The following PDE2A variants were observed in gnomAD, a reference collection of about 807,000 sequenced individuals.
PDE2A encodes the protein phosphodiesterase 2A, also known as cGMP-dependent 3',5'-cyclic phosphodiesterase.
A neutral mutation model predicts 133.6 loss-of-function variants in PDE2A; 53 were observed. The ratio of observed to expected loss-of-function variants is 0.40; its 90% CI spans 0.32 to 0.50. PDE2A has a LOEUF of 0.50. PDE2A is among the 20% of genes least tolerant of loss of function. The probability of loss-of-function intolerance (pLI) is 0.73; values close to 1 mark genes in which losing one functional copy is unlikely to be tolerated. For missense variants in PDE2A, 796 were observed against 1,232.4 expected, an observed-to-expected ratio of 0.65 and a Z score of 5.30; for synonymous variants, 491 against 490.2, an observed-to-expected ratio of 1.00 and a Z score of -0.02.
intron 2 of PDE2A, among the ~76,000 whole-genome samples, chr11:72,619,471 G>T (rs1298374932): frequency 6.6e-6 from 1 of 152,196 alleles, no homozygotes; most frequent in East Asian, 1.9e-4. Flanking sequence ...ATGTAGGTCT[G>T]TGTCTCTGTA....
At chr11:72,669,009 C>T in intron 1 of PDE2A, 1 of 992,678 alleles carries the variant, frequency 1.0e-6, no homozygotes, top group Non-Finnish European at 1.2e-6. Flanking sequence ...CAGTAGCTAA[C>T]CTTTGTGAGC....
rs551569693 is a variant in PDE2A at position 72,636,954 on chromosome 11, G to A, written c.144+5300C>T. Among the ~76,000 whole-genome samples the A allele has an allele frequency of 3.7e-4, 56 of 152,286 alleles. No individual in the cohort carries two copies. The East Asian group carries it at 5.0e-3, about 14-fold the overall frequency. On this transcript the variant is annotated intron_variant, in intron 2 of 30. Coordinates refer to ENST00000334456, the MANE Select transcript of PDE2A (RefSeq NM_002599.5). ...TACAAGTCCTGCACCATCTGGCTGG[G>A]CCAGCTTTACCAGTCCCCATCCCCC...
At chr11:72,631,846 C>T (rs567619572) in intron 2 of PDE2A, among the ~76,000 whole-genome samples, 2 of 152,350 alleles carry the variant, frequency 1.3e-5, no homozygotes, top group African/African-American at 4.8e-5. Context: ...AGGGGCACTG[C>T]CCAGGGCCTG....
intron 2 of PDE2A, among the ~76,000 whole-genome samples, chr11:72,613,180 C>T (rs1857295979): frequency 6.6e-6 from 1 of 152,148 alleles, no homozygotes; most frequent in East Asian, 1.9e-4. Context: ...CACCCCACTG[C>T]CTGGCACTGG....
chr11:72,599,298 C>T lies in PDE2A; in HGVS notation c.324-1679G>A, dbSNP rs181107000. 1.4e-3 allele frequency among the ~76,000 whole-genome samples: 212 copies of T among 152,180 alleles called. 1 individual carries two copies. The highest frequency in any genetic ancestry group is 5.0e-3 in the African/African-American group (206 of 41,498). ...CCTCTGTGCTCACGGCCTCATGACTCTCCAGCCCTCACTCATGAGCTCCAG... is the reference window on the plus strand; with the variant it reads ...CCTCTGTGCTCACGGCCTCATGACTTTCCAGCCCTCACTCATGAGCTCCAG... On this transcript the variant is annotated intron_variant, in intron 4 of 30. Coordinates refer to ENST00000334456, the MANE Select transcript of PDE2A (RefSeq NM_002599.5).
In PDE2A at chr11:72,578,499, C is replaced by A; in HGVS notation, c.2485G>T (p.Glu829Ter). The part of the protein sequence containing the change: ...TRKIAELIYK[E>*]FFSQGDLEKA... ...ACCAGGTCTCCCTGGGAGAAGAATTCTTTGTAGATCAGCTCCTGAAAGGCC... is the reference window on the plus strand; with the variant it reads ...ACCAGGTCTCCCTGGGAGAAGAATTATTTGTAGATCAGCTCCTGAAAGGCC... The change falls in exon 29 of 31, where the codon GAA becomes TAA. Residue 829 changes from glutamate to a stop codon, truncating the protein, a stop_gained. Transcript: ENST00000334456. LOFTEE classifies it high-confidence loss of function. The surrounding 1 kb of genome is among the most constrained non-coding windows in gnomAD (Gnocchi z 4.2). The A allele has an allele frequency of 6.2e-7, 1 of 1,613,366 alleles. No homozygotes were observed. The highest frequency in any genetic ancestry group is 8.5e-7 in the Non-Finnish European group (1 of 1,179,300).
At chr11:72,585,778 G>T (rs577142932) in intron 14 of PDE2A, among the ~76,000 whole-genome samples, 185 bp from the exon 15 acceptor site, 2 of 152,326 alleles carry the variant, frequency 1.3e-5, no homozygotes, top group South Asian at 2.1e-4. Context: ...GAATAGCCCC[G>T]GTGCAGGTGA....
At position 72,627,836 on chromosome 11, in the gene PDE2A, G is replaced by T. The variant is rs557538564; in HGVS notation, c.144+14418C>A. Among the ~76,000 whole-genome samples the T allele has an allele frequency of 7.2e-5, 11 of 152,356 alleles. No homozygotes were observed. In the South Asian group the frequency reaches 2.3e-3, roughly 32 times the overall value. ...CACAAAGAGGGCATTGACTCAGCATGCTCAATTCACCAACTTGAACTGCCC... is the reference window on the plus strand; with the variant it reads ...CACAAAGAGGGCATTGACTCAGCATTCTCAATTCACCAACTTGAACTGCCC... On this transcript the variant is annotated intron_variant, in intron 2 of 30. Coordinates refer to ENST00000334456, the MANE Select transcript of PDE2A (RefSeq NM_002599.5).
chr11:72,590,572 G>T lies in PDE2A; in HGVS notation c.558C>A (p.Val186=). ...GCAGGACCTGCACCCTCCGCAGGGC[G>T]ACCAGGGTCTGGGGCAGGCCGAGCG... ...SLQAVEKHTL[V]ALRRVQVLQQ... Residue 186 remains valine (V), a synonymous_variant, in exon 8 of 31, where the codon GTC becomes GTA. Transcript: ENST00000334456. This position sits in a 1 kb window ranked among gnomAD's most constrained non-coding sequence, Gnocchi z 4.8. The T allele has an allele frequency of 7.2e-7, 1 of 1,382,442 alleles. No homozygotes were observed. Among genetic ancestry groups the T allele is most frequent in the Non-Finnish European group, 9.3e-7 (1 of 1,073,552 alleles). 85.6% of individuals were successfully genotyped at this position (1,382,442 alleles called of 1,614,324 possible).
chr11:72,592,510 G>A (rs1856297387), intron 6 of PDE2A, among the ~76,000 whole-genome samples: 1 of 152,214 alleles, frequency 6.6e-6, no homozygotes. Context: ...GAGAAAACTA[G>A]GTGGGTAGCT....
chr11:72,630,929 A>G (rs188871953), intron 2 of PDE2A: 5 of 641,700 alleles, frequency 7.8e-6, no homozygotes, highest in Admixed American at 7.6e-5. Context: ...TGGTCTTGAT[A>G]TAGGGGTGGT....
Position 72,590,603 on chromosome 11 carries a change from C to A in PDE2A, c.550-23G>T, listed in dbSNP as rs1387294229. ...GGTCTGGGGCAGGCCGAGCGGTTAG[C>A]GCGCCGCTCGCCCCAAGCTCGCTGC... On this transcript the variant is annotated intron_variant, in intron 7 of 30. Transcript: ENST00000334456. The surrounding 1 kb of genome is among the most constrained non-coding windows in gnomAD (Gnocchi z 4.8). 8.9e-6 allele frequency: 12 copies of A among 1,351,938 alleles called. No individual in the cohort carries two copies. The highest frequency in any genetic ancestry group is 1.1e-5 in the Non-Finnish European group (12 of 1,057,930). The allele number at this position is 1,351,938 out of a possible 1,614,324, so 83.7% of individuals were successfully genotyped here.
chr11:72,621,399 CA>C (rs1266518875), intron 2 of PDE2A, among the ~76,000 whole-genome samples: 2 of 152,242 alleles, frequency 1.3e-5, no homozygotes, highest in African/African-American at 2.4e-5. Context: ...ACCTATAGCA[CA>C]GCTTCAGTCC....
At chr11:72,608,584 C>G (rs945411257) in intron 3 of PDE2A, 78 bp downstream of exon 3, 4 of 754,260 alleles carry the variant, frequency 5.3e-6, no homozygotes, top group African/African-American at 1.7e-5. Flanking sequence ...CTCCTTGGCC[C>G]TGAGTGAGGT....
In PDE2A at chr11:72,592,295, C is replaced by T. The variant is rs539062297; in HGVS notation, c.490-939G>A. Among the ~76,000 whole-genome samples, 10 of 152,296 alleles carry T rather than the reference C, an allele frequency of 6.6e-5. No homozygotes were observed. The South Asian group carries it at 2.1e-3, about 32-fold the overall frequency. ...GCTGCTCACCACCTGCAGAGCTCCC[C>T]ACAGCGCCTGCACTGGGGGCTCCTC... is the stretch of plus-strand genomic sequence containing the variant. On this transcript the variant is annotated intron_variant, in intron 6 of 30. Coordinates refer to ENST00000334456, the MANE Select transcript of PDE2A (RefSeq NM_002599.5).
At chr11:72,584,166 A>AACACCCC in intron 19 of PDE2A, 35 bp downstream of exon 19, 2 of 777,826 alleles carry the variant, frequency 2.6e-6, no homozygotes, top group Non-Finnish European at 4.1e-6. Flanking sequence ...CCCGCCCCCT[A>AACACCCC]TCACCCCACA....
chr11:72,585,941 G>A, intron 14 of PDE2A, 129 bp downstream of exon 14: 1 of 682,514 alleles, frequency 1.5e-6, no homozygotes, highest in Non-Finnish European at 2.7e-6. Flanking sequence ...AAGTTATGAG[G>A]TTATGGAGCC....
intron 2 of PDE2A, among the ~76,000 whole-genome samples, chr11:72,637,533 T>C (rs1248353453): frequency 6.6e-6 from 1 of 152,210 alleles, no homozygotes; most frequent in African/African-American, 2.4e-5. Flanking sequence ...CTGGGCTGAG[T>C]GGAACTGGAG....
At chr11:72,630,187 C>T (rs1858305610) in intron 2 of PDE2A, among the ~76,000 whole-genome samples, 1 of 152,054 alleles carries the variant, frequency 6.6e-6, no homozygotes, top group Non-Finnish European at 1.5e-5. Context: ...GAGCCCTGCA[C>T]CGGTACCCAT....
Sources: allele counts gnomAD v4.1 joint callset (sites outside exome capture counted in the v4.1 genomes callset), GRCh38; gene constraint gnomAD v4.1.1; non-coding constraint Gnocchi (gnomAD v3.1); transcripts MANE v1.5; gene names NCBI Gene and HGNC (gene_info 2026-07-23, HGNC 2026-07-21).